Variants in ANO2 observed in about 807,000 individuals in gnomAD.
The protein encoded by ANO2 is anoctamin 2.
A neutral mutation model predicts 124.2 loss-of-function variants in ANO2; 101 were observed. That is an observed-to-expected ratio of 0.81 (90% confidence interval 0.69 to 0.96). ANO2 has a LOEUF of 0.96. ANO2 is among the 40% of genes least tolerant of loss of function. The pLI is 0.00. For synonymous variants in ANO2, 486 were observed against 482.5 expected, an observed-to-expected ratio of 1.01 and a Z score of -0.09; for missense variants, 1,293 against 1,274.5, an observed-to-expected ratio of 1.01 and a Z score of -0.22.
chr12:5,872,239 G>A (rs7306990), intron 3 of ANO2, among the ~76,000 whole-genome samples: 1 of 152,052 alleles, frequency 6.6e-6, no homozygotes, highest in East Asian at 1.9e-4. Flanking sequence ...GGCATCCAGA[G>A]AGCAAGTACC....
At chr12:5,681,447 G>A (rs1948486206) in intron 14 of ANO2, among the ~76,000 whole-genome samples, 1 of 152,218 alleles carries the variant, frequency 6.6e-6, no homozygotes, top group Non-Finnish European at 1.5e-5. Context: ...CCACCAGGAT[G>A]AGGCCAAAGC....
At chr12:5,869,146 T>C (rs1377933563) in intron 3 of ANO2, among the ~76,000 whole-genome samples, 3 of 152,094 alleles carry the variant, frequency 2.0e-5, no homozygotes, top group Non-Finnish European at 4.4e-5. Context: ...ATGGAAACTG[T>C]GGGTCCCATC....
rs567741205 is a variant in ANO2, at chr12:5,799,516, T to C, written c.1046A>G (p.Asp349Gly). ...YGVFYKFQPI[D>G]LIRKYFGEKI... The stretch of plus-strand genomic sequence containing the variant: ...CCCTACCACCTCTTACCTGATGAGG[T>C]CAATAGGTTGGAACTTATAGAACAC... Residue 349 changes from aspartate to glycine, a missense_variant, in exon 10 of 25, where the codon GAC becomes GGC. Transcript: ENST00000682330. 2 of 1,613,732 alleles carry C rather than the reference T, an allele frequency of 1.2e-6. No homozygotes were observed. Among genetic ancestry groups the C allele is most frequent in the Non-Finnish European group, 1.7e-6 (2 of 1,179,762 alleles).
rs1315264948 is a variant in ANO2 at position 5,798,330 on chromosome 12, C to T, written c.1055+1177G>A. Among the ~76,000 whole-genome samples, 4 of 152,124 alleles carry T rather than the reference C, an allele frequency of 2.6e-5. No individual in the cohort carries two copies. In the East Asian group the frequency reaches 7.7e-4, roughly 29 times the overall value. ...CACGGTCCTCAGCTGGAACAAACAC[C>T]TGCTTCCAAGAGACATCCAACCAAG... On this transcript the variant is annotated intron_variant, in intron 10 of 24. Coordinates refer to ENST00000682330, the MANE Select transcript of ANO2 (RefSeq NM_001364791.2).
chr12:5,923,872 A>G (rs1941955179), intron 1 of ANO2, among the ~76,000 whole-genome samples: 1 of 152,218 alleles, frequency 6.6e-6, no homozygotes, highest in Non-Finnish European at 1.5e-5. Flanking sequence ...GCCAGTGCCC[A>G]GGCTTAAACC....
intron 19 of ANO2, chr12:5,609,048 G>T (rs538255642): frequency 1.3e-5 from 2 of 152,244 alleles, no homozygotes; most frequent in Admixed American, 1.3e-4. Flanking sequence ...GTTTCAAAGG[G>T]GCCAGATGCG....
intron 3 of ANO2, among the ~76,000 whole-genome samples, chr12:5,919,208 G>A (rs1200316751): frequency 6.6e-6 from 1 of 152,242 alleles, no homozygotes; most frequent in African/African-American, 2.4e-5. Context: ...AGGATGGTCA[G>A]GGAAGATGTC....
At chr12:5,916,342 A>G (rs1419525365) in intron 3 of ANO2, among the ~76,000 whole-genome samples, 1 of 152,108 alleles carries the variant, frequency 6.6e-6, no homozygotes, top group Non-Finnish European at 1.5e-5. Context: ...TCTGAAAAAT[A>G]AAGTGCTAGA....
At chr12:5,887,826 C>G (rs913279888) in intron 3 of ANO2, among the ~76,000 whole-genome samples, 4 of 151,378 alleles carry the variant, frequency 2.6e-5, no homozygotes, top group Non-Finnish European at 4.4e-5. Context: ...ACATGCCCCC[C>G]GGTTTTTTTT....
intron 16 of ANO2, among the ~76,000 whole-genome samples, chr12:5,626,814 A>C (rs1173063346): frequency 6.6e-6 from 1 of 152,212 alleles, no homozygotes; most frequent in Non-Finnish European, 1.5e-5. Flanking sequence ...ATCAGGGAGA[A>C]GCAGAGGAAA....
At chr12:5,788,405 C>T (rs1952598390) in intron 10 of ANO2, among the ~76,000 whole-genome samples, 1 of 152,104 alleles carries the variant, frequency 6.6e-6, no homozygotes, top group African/African-American at 2.4e-5. Context: ...AAAAAGTGTC[C>T]CCAGTAGGAT....
At chr12:5,858,319 T>G (rs565279893) in intron 3 of ANO2, among the ~76,000 whole-genome samples, 31 of 151,960 alleles carry the variant, frequency 2.0e-4, no homozygotes, top group African/African-American at 7.5e-4. Flanking sequence ...CAACTAAAAG[T>G]AAAAGGAAAA....
At chr12:5,736,588 C>T (rs971135478) in intron 13 of ANO2, among the ~76,000 whole-genome samples, 3 of 152,172 alleles carry the variant, frequency 2.0e-5, no homozygotes, top group Non-Finnish European at 2.9e-5. Context: ...ACTCACTCCT[C>T]GTTTTGAATG....
At chr12:5,638,482 AC>A (rs1946157555) in intron 15 of ANO2, among the ~76,000 whole-genome samples, 1 of 111,404 alleles carries the variant, frequency 9.0e-6, no homozygotes, top group South Asian at 3.5e-4. Context: ...CGATCTGCCC[AC>A]CTCGGCCTCC....
At chr12:5,851,872 C>T in intron 4 of ANO2, 1 of 706,462 alleles carries the variant, frequency 1.4e-6, no homozygotes, top group Admixed American at 2.0e-5. Context: ...AAAAAGGACA[C>T]ACTTTTCCTG....
At chr12:5,604,784 A>C (rs1170170823) in intron 19 of ANO2, among the ~76,000 whole-genome samples, 1 of 152,180 alleles carries the variant, frequency 6.6e-6, no homozygotes, top group Non-Finnish European at 1.5e-5. Flanking sequence ...GCAGAATTTA[A>C]CAGGAATCCT....
At chr12:5,577,199 TG>T (rs1481761740) in intron 22 of ANO2, among the ~76,000 whole-genome samples, 12 of 152,372 alleles carry the variant, frequency 7.9e-5, no homozygotes, top group African/African-American at 2.6e-4. Context: ...TGATTTGCTC[TG>T]CCTCACCTCA....
chr12:5,738,519 A>G (rs1037912791), intron 13 of ANO2, among the ~76,000 whole-genome samples: 3 of 152,074 alleles, frequency 2.0e-5, no homozygotes, highest in Non-Finnish European at 2.9e-5. Flanking sequence ...CCATGGTGGC[A>G]CCTGGTGTCA....
intron 14 of ANO2, among the ~76,000 whole-genome samples, chr12:5,726,496 GT>G (rs1356722989): frequency 2.0e-5 from 3 of 152,178 alleles, no homozygotes; most frequent in African/African-American, 7.2e-5. Context: ...GGAGCAAGAG[GT>G]TAAAAGCATT....
Sources: allele counts gnomAD v4.1 joint callset (sites outside exome capture counted in the v4.1 genomes callset), GRCh38; gene constraint gnomAD v4.1.1; transcripts MANE v1.5; gene names NCBI Gene and HGNC (gene_info 2026-07-23, HGNC 2026-07-21).